PUDP: variants seen among roughly 807,000 people sequenced by gnomAD.
The protein encoded by PUDP is pseudouridine 5'-phosphatase.
In PUDP, 8 loss-of-function variants were observed where a neutral mutation model predicts 9.4. The ratio of observed to expected loss-of-function variants is 0.85; its 90% confidence interval spans 0.50 to 1.53. PUDP has a LOEUF of 1.53. Among genes scored for constraint, PUDP ranks in the 40% most tolerant of loss-of-function variants. The pLI is 0.00. For synonymous variants in PUDP, 99 were observed against 80.7 expected (o/e 1.23, Z -1.22); for missense variants, 188 against 189.7 (o/e 0.99, Z 0.05).
Position 6,877,420 on chromosome X carries a change from T to G in PUDP, c.*247+99713A>C, listed in dbSNP as rs780962982. On this transcript the variant is annotated intron_variant and NMD_transcript_variant, in intron 3 of 3. Coordinates refer to the PUDP transcript ENST00000655425. ...CTCTCTGAACCTCATCTCTTAGACT[T>G]ACGGGATCTGCAATATGGCAGAGAA... Among the ~76,000 whole-genome samples the G allele has an allele frequency of 8.0e-4, 90 of 111,812 alleles. 1 individual carries two copies. The highest frequency in any genetic ancestry group is 4.6e-3 in the Middle Eastern group (1 of 216).
At chrX:6,983,197 G>A (rs1329626552) in intron 1 of PUDP, among the ~76,000 whole-genome samples, 14 of 111,824 alleles carry the variant, frequency 1.3e-4, no homozygotes, top group Non-Finnish European at 1.9e-5. Flanking sequence ...ATGGCTGTGC[G>A]GGAGAACGGA....
At position 7,148,080 on chromosome X, in the gene PUDP, T is replaced by C; in HGVS notation, c.34A>G (p.Ile12Val). 1 of 1,131,697 alleles carries C rather than the reference T, an allele frequency of 8.8e-7. No individual in the cohort carries two copies. The highest frequency in any genetic ancestry group is 3.7e-5 in the East Asian group (1 of 27,017). 93.3% of individuals were successfully genotyped at this position (1,131,697 alleles called of 1,213,427 possible). ...AAPPQPVTHLIFDMDGLLLDT... is the reference protein window; with the variant it reads ...AAPPQPVTHLVFDMDGLLLDT... The stretch of plus-strand genomic sequence containing the variant: ...AGAAGAAGTCCGTCCATGTCAAAGA[T>C]GAGGTGGGTGACGGGCTGCGGGGGC... The change falls in exon 1 of 4, where the codon ATC becomes GTC. Residue 12 changes from isoleucine to valine, a missense_variant. Physicochemically the swap from Ile to Val is conservative, Grantham distance 29. Coordinates refer to ENST00000381077, the MANE Select transcript of PUDP (RefSeq NM_012080.5).
chrX:6,797,727 A>C (rs1207555751), intron 3 of PUDP, among the ~76,000 whole-genome samples: 2 of 112,137 alleles, frequency 1.8e-5, no homozygotes, highest in Non-Finnish European at 3.8e-5. Context: ...AGCCAGAAAT[A>C]CCAAGCTCAG....
At chrX:7,126,685 G>A in intron 1 of PUDP, among the ~76,000 whole-genome samples, 1 of 110,997 alleles carries the variant, frequency 9.0e-6, no homozygotes, top group Middle Eastern at 4.6e-3. Flanking sequence ...TTAGGACATT[G>A]TTTAGCCCTT....
At chrX:7,040,382 C>T (rs1292975387) in intron 1 of PUDP, among the ~76,000 whole-genome samples, 2 of 112,072 alleles carry the variant, frequency 1.8e-5, no homozygotes, top group Non-Finnish European at 3.8e-5. Flanking sequence ...AAGAGCCAGC[C>T]AAGTGCCTGC....
chrX:7,122,395 A>G, intron 1 of PUDP, among the ~76,000 whole-genome samples: 1 of 111,687 alleles, frequency 9.0e-6, no homozygotes, highest in Non-Finnish European at 1.9e-5. Context: ...AAGAACTTTT[A>G]ATTTTTCTGG....
chrX:6,823,103 G>C (rs5989501), intron 3 of PUDP, among the ~76,000 whole-genome samples: 27,896 of 110,697 alleles, frequency 0.25, 2,759 homozygotes, highest in African/African-American at 0.35. Flanking sequence ...CTGTAGCCCA[G>C]GGAGGTGAGG....
At chrX:6,740,821 T>C (rs1220987189) in intron 3 of PUDP, among the ~76,000 whole-genome samples, 1 of 111,736 alleles carries the variant, frequency 8.9e-6, no homozygotes. Context: ...TCTAATACAA[T>C]AAACTTACAT....
chrX:6,855,080 C>T (rs1926885025), intron 3 of PUDP, among the ~76,000 whole-genome samples: 1 of 108,030 alleles, frequency 9.3e-6, no homozygotes, highest in African/African-American at 3.4e-5. Context: ...CCTTCCACCT[C>T]TGCACCCCTG....
At chrX:7,102,521 C>T (rs1298680427) in intron 2 of PUDP, among the ~76,000 whole-genome samples, 1 of 110,114 alleles carries the variant, frequency 9.1e-6, no homozygotes, top group Non-Finnish European at 1.9e-5. Flanking sequence ...AGTTCAGGAA[C>T]ACAACAAGGA....
chrX:6,962,741 C>G (rs1028571356), intron 3 of PUDP, among the ~76,000 whole-genome samples: 3 of 112,255 alleles, frequency 2.7e-5, no homozygotes, highest in Non-Finnish European at 3.8e-5. Flanking sequence ...TTTGTAAATT[C>G]TCTAAAAACT....
intron 3 of PUDP, among the ~76,000 whole-genome samples, chrX:6,776,910 C>T (rs1320768944): frequency 1.8e-5 from 2 of 112,212 alleles, no homozygotes; most frequent in East Asian, 2.8e-4. Context: ...CCACACATCT[C>T]GGAATATTTC....
At chrX:6,893,549 T>C (rs1218915644) in intron 3 of PUDP, among the ~76,000 whole-genome samples, 2 of 111,929 alleles carry the variant, frequency 1.8e-5, no homozygotes, top group Non-Finnish European at 3.8e-5. Context: ...AAAAAGTACT[T>C]ACTTGTCTGA....
At chrX:6,869,640 A>G (rs1927142927) in intron 3 of PUDP, among the ~76,000 whole-genome samples, 1 of 111,100 alleles carries the variant, frequency 9.0e-6, no homozygotes, top group Non-Finnish European at 1.9e-5. Context: ...GTATCCAGTG[A>G]GCACATGCAA....
chrX:6,801,263 G>T (rs1221799632), intron 3 of PUDP, among the ~76,000 whole-genome samples: 1 of 112,371 alleles, frequency 8.9e-6, no homozygotes, highest in Non-Finnish European at 1.9e-5. Context: ...TGTGCCAAGG[G>T]TTTAAAAACC....
intron 3 of PUDP, among the ~76,000 whole-genome samples, chrX:6,879,767 T>TAG (rs967999925): frequency 1.8e-5 from 2 of 111,208 alleles, no homozygotes; most frequent in African/African-American, 6.5e-5. Context: ...CTGCCCCGGG[T>TAG]AGATGGGGGT....
chrX:7,074,288 G>A (rs1045234164), intron 3 of PUDP, among the ~76,000 whole-genome samples: 2 of 112,212 alleles, frequency 1.8e-5, no homozygotes, highest in Non-Finnish European at 1.9e-5. Flanking sequence ...GATTGCTGAC[G>A]CCCAGGAAAT....
chrX:7,024,376 T>C (rs898083658), intron 1 of PUDP, among the ~76,000 whole-genome samples: 3 of 111,702 alleles, frequency 2.7e-5, no homozygotes, highest in Non-Finnish European at 1.9e-5. Context: ...TAGTCTGCTG[T>C]AGGGTTTTAA....
At chrX:6,940,002 A>T (rs992402597) in intron 3 of PUDP, among the ~76,000 whole-genome samples, 3 of 113,048 alleles carry the variant, frequency 2.7e-5, no homozygotes, top group African/African-American at 6.4e-5. Context: ...TTCTGTTGGC[A>T]TCATTCCTTC....
Sources: allele counts gnomAD v4.1 joint callset (sites outside exome capture counted in the v4.1 genomes callset), GRCh38; gene constraint gnomAD v4.1.1; transcripts MANE v1.5; gene names NCBI Gene and HGNC (gene_info 2026-07-23, HGNC 2026-07-21).